The following ADAMTS17 variants were observed in gnomAD, a reference collection of about 807,000 sequenced individuals.
ADAMTS17 encodes the protein ADAM metallopeptidase with thrombospondin type 1 motif 17, also known as A disintegrin and metalloproteinase with thrombospondin motifs 17.
ADAMTS17 carries 113 observed loss-of-function variants against 141.5 expected under a neutral mutation model. That is an observed-to-expected ratio of 0.80 (90% CI 0.69 to 0.93). The LOEUF is 0.93. Ranked by LOEUF, ADAMTS17 falls within the 40% of genes least tolerant of loss-of-function variation. ADAMTS17 has a pLI of 0.00. For missense variants in ADAMTS17, 1,659 were observed against 1,517.9 expected, an observed-to-expected ratio of 1.09 and a Z score of -1.54; for synonymous variants, 768 against 630.6, an observed-to-expected ratio of 1.22 and a Z score of -3.27.
chr15:100,188,248 G>T (rs1036167759), intron 8 of ADAMTS17, among the ~76,000 whole-genome samples: 2 of 151,984 alleles, frequency 1.3e-5, no homozygotes, highest in African/African-American at 4.8e-5. Flanking sequence ...AGCTAATTTT[G>T]TATTTTTTAG....
intron 3 of ADAMTS17, among the ~76,000 whole-genome samples, chr15:100,287,080 CA>C (rs2044471339): frequency 6.6e-6 from 1 of 152,126 alleles, no homozygotes; most frequent in Non-Finnish European, 1.5e-5. Context: ...CCCAGCTACT[CA>C]GGAGGCTGAG....
At chr15:100,312,979 A>C (rs865819645) in intron 3 of ADAMTS17, among the ~76,000 whole-genome samples, 104 of 152,328 alleles carry the variant, frequency 6.8e-4, no homozygotes, top group African/African-American at 2.2e-3. Context: ...TCCCATAAGC[A>C]TACAAAGCTT....
Position 100,048,984 on chromosome 15 carries a change from T to C in ADAMTS17, c.2464A>G (p.Arg822Gly). 6.2e-7 allele frequency: 1 copy of C among 1,614,198 alleles called. No individual in the cohort carries two copies. Among genetic ancestry groups the C allele is most frequent in the Non-Finnish European group, 8.5e-7 (1 of 1,180,032 alleles). Residue 822 changes from arginine (R) to glycine (G), a missense_variant, in exon 18 of 22, where the codon AGA (arginine) becomes GGA (glycine). Arg to Gly is a moderately radical substitution (Grantham distance 125). Transcript: ENST00000268070. Reference sequence around the variant, plus strand: ...ATCCGTGTACACGAGACGATGGTTCTGCGCTCCCCTGGAAACCAAACCACA... The same window carrying C: ...ATCCGTGTACACGAGACGATGGTTCCGCGCTCCCCTGGAAACCAAACCACA... Reference protein sequence around the residue: ...CSVQCGGGERRTIVSCTRIVN... With the variant: ...CSVQCGGGERGTIVSCTRIVN...
At chr15:100,156,556 T>C (rs2039445787) in intron 8 of ADAMTS17, among the ~76,000 whole-genome samples, 1 of 152,244 alleles carries the variant, frequency 6.6e-6, no homozygotes, top group African/African-American at 2.4e-5. Flanking sequence ...TTACCAATCT[T>C]CCATTGTATT....
chr15:100,326,183 T>C (rs1243001594), intron 3 of ADAMTS17, among the ~76,000 whole-genome samples: 1 of 152,208 alleles, frequency 6.6e-6, no homozygotes, highest in African/African-American at 2.4e-5. Flanking sequence ...TGTCTACTTA[T>C]AGAGTTAACA....
In ADAMTS17 at chr15:100,224,988, T is replaced by C. The variant is rs967534898; in HGVS notation, c.1076-25565A>G. 8.5e-5 allele frequency among the ~76,000 whole-genome samples: 13 copies of C among 152,354 alleles called. No individual in the cohort carries two copies. In the South Asian group the frequency reaches 2.5e-3, roughly 29 times the overall value. The stretch of plus-strand genomic sequence containing the variant: ...AAGTAATGAGCCCCTGGATGTGTCA[T>C]GGATCCACGAGGCTGCCTTGCTCAT... On this transcript the variant is annotated intron_variant, in intron 7 of 21. Coordinates refer to ENST00000268070, the MANE Select transcript of ADAMTS17 (RefSeq NM_139057.4).
intron 4 of ADAMTS17, among the ~76,000 whole-genome samples, chr15:100,271,950 C>T (rs1317797629): frequency 6.6e-6 from 1 of 152,150 alleles, no homozygotes; most frequent in Non-Finnish European, 1.5e-5. Context: ...CCAGCTTTCC[C>T]AGCACCAGTT....
At chr15:100,274,027 T>C (rs375342716) in intron 4 of ADAMTS17, among the ~76,000 whole-genome samples, 3 of 152,222 alleles carry the variant, frequency 2.0e-5, no homozygotes, top group Admixed American at 1.3e-4. Context: ...CTTCACCCCA[T>C]TGTTGTCAGT....
intron 15 of ADAMTS17, among the ~76,000 whole-genome samples, chr15:100,089,157 C>A (rs2035292420): frequency 6.6e-6 from 1 of 151,228 alleles, no homozygotes; most frequent in Non-Finnish European, 1.5e-5. Context: ...AAAACAACCC[C>A]ATCAAAAAGT....
Position 100,251,448 on chromosome 15 carries a change from G to A in ADAMTS17, c.1075+2688C>T, listed in dbSNP as rs569049856. Among the ~76,000 whole-genome samples the A allele has an allele frequency of 2.6e-4, 40 of 152,320 alleles. No individual in the cohort carries two copies. The South Asian group carries it at 4.8e-3, about 18-fold the overall frequency. ...TTCAAAAAGCTAATTAAGGTTGGCC[G>A]GGCGCAGTGGCTCATGCCTGTAATC... On this transcript the variant is annotated intron_variant, in intron 7 of 21. Coordinates refer to ENST00000268070, the MANE Select transcript of ADAMTS17 (RefSeq NM_139057.4).
chr15:100,182,406 G>C (rs1275140361), intron 8 of ADAMTS17, among the ~76,000 whole-genome samples: 2 of 152,118 alleles, frequency 1.3e-5, no homozygotes, highest in African/African-American at 4.8e-5. Context: ...ATTTGGGTGG[G>C]GACACAGATC....
intron 12 of ADAMTS17, among the ~76,000 whole-genome samples, chr15:100,118,876 C>A (rs543273549): frequency 1.3e-5 from 2 of 152,132 alleles, no homozygotes; most frequent in Non-Finnish European, 2.9e-5. Context: ...TGGGCCCCCA[C>A]AAAACTCTAT....
chr15:100,088,790 T>C (rs1007588573), intron 15 of ADAMTS17, among the ~76,000 whole-genome samples: 8 of 152,168 alleles, frequency 5.3e-5, no homozygotes, highest in Non-Finnish European at 1.2e-4. Flanking sequence ...TAGCCATATG[T>C]AGAAAGCTGA....
chr15:100,209,597 T>C (rs1596283979), intron 7 of ADAMTS17, among the ~76,000 whole-genome samples: 1 of 130,752 alleles, frequency 7.6e-6, no homozygotes, highest in Non-Finnish European at 1.6e-5. Context: ...GGCATTACAT[T>C]TTATTAAAAA....
chr15:100,306,644 A>C, intron 3 of ADAMTS17: 1 of 450,078 alleles, frequency 2.2e-6, no homozygotes, highest in Non-Finnish European at 4.5e-6. Flanking sequence ...AACTTATTAA[A>C]ATGGCAATTT....
intron 14 of ADAMTS17, among the ~76,000 whole-genome samples, chr15:100,103,672 G>A (rs759072900): frequency 4.6e-5 from 7 of 151,956 alleles, no homozygotes; most frequent in African/African-American, 9.7e-5. Flanking sequence ...TCCACTGCCC[G>A]GGTTCAAGCA....
intron 21 of ADAMTS17, 98 bp from the exon 22 acceptor site, chr15:99,974,660 C>T (rs930329020): frequency 2.4e-5 from 36 of 1,500,256 alleles, no homozygotes; most frequent in Non-Finnish European, 3.1e-5. Context: ...GTCTGGGCTC[C>T]CTCACCCTCG....
intron 7 of ADAMTS17, among the ~76,000 whole-genome samples, chr15:100,208,524 C>G (rs1218999797): frequency 6.6e-6 from 1 of 152,114 alleles, no homozygotes; most frequent in Non-Finnish European, 1.5e-5. Context: ...ATCAAAAAGT[C>G]AGGTCAGTGT....
At chr15:100,042,775 T>C (rs574750704) in intron 18 of ADAMTS17, among the ~76,000 whole-genome samples, 93 of 152,266 alleles carry the variant, frequency 6.1e-4, no homozygotes, top group African/African-American at 2.1e-3. Context: ...AGCGGGATGG[T>C]GTGAGATTTC....
Sources: allele counts gnomAD v4.1 joint callset (sites outside exome capture counted in the v4.1 genomes callset), GRCh38; gene constraint gnomAD v4.1.1; transcripts MANE v1.5; gene names NCBI Gene and HGNC (gene_info 2026-07-23, HGNC 2026-07-21).